Variants in SMARCC1 observed in about 807,000 individuals in gnomAD.
SMARCC1 encodes SWI/SNF complex subunit SMARCC1.
In SMARCC1, 43 loss-of-function variants were observed where a neutral mutation model predicts 147.4. That is an observed-to-expected ratio of 0.29 (90% CI 0.23 to 0.38). The LOEUF is 0.38. Among genes scored for constraint, SMARCC1 ranks in the 10% least tolerant of loss-of-function variants. The probability of loss-of-function intolerance (pLI) is 1.00; values close to 1 mark genes in which losing one functional copy is unlikely to be tolerated. For synonymous variants in SMARCC1, 495 were observed against 484.4 expected (o/e 1.02, Z -0.29); for missense variants, 1,119 against 1,381.1 (o/e 0.81, Z 3.01).
Position 47,704,676 on chromosome 3 carries a change from G to T in SMARCC1, c.1040+1733C>A, listed in dbSNP as rs114841380. 4.0e-3 allele frequency among the ~76,000 whole-genome samples: 605 copies of T among 152,222 alleles called. 5 individuals carry two copies. Among genetic ancestry groups the T allele is most frequent in the African/African-American group, 0.013 (547 of 41,534 alleles). On this transcript the variant is annotated intron_variant, in intron 10 of 27. Coordinates refer to ENST00000254480, the MANE Select transcript of SMARCC1 (RefSeq NM_003074.4). ...TCACGCAAATAATCCCAACACGTTG[G>T]GAGGCCGAGGTGGAAGAATTGCTTG...
chr3:47,655,269 G>A (rs1048298212), intron 21 of SMARCC1, among the ~76,000 whole-genome samples: 7 of 152,176 alleles, frequency 4.6e-5, no homozygotes, highest in Admixed American at 3.3e-4. Context: ...ATGGTGTCAT[G>A]TGCCTGTAGT....
intron 5 of SMARCC1, among the ~76,000 whole-genome samples, chr3:47,733,677 G>A (rs1330357349): frequency 6.6e-6 from 1 of 151,710 alleles, no homozygotes; most frequent in East Asian, 1.9e-4. Flanking sequence ...ACAAGGTCAA[G>A]AGATCGAAAC....
chr3:47,622,121 C>T, intron 25 of SMARCC1, 86 bp downstream of exon 25: 1 of 1,199,150 alleles, frequency 8.3e-7, no homozygotes, highest in South Asian at 1.3e-5. Context: ...AGAGAACAGG[C>T]TACCATTTAT....
intron 2 of SMARCC1, among the ~76,000 whole-genome samples, chr3:47,754,128 C>G (rs2034660877): frequency 6.6e-6 from 1 of 152,024 alleles, no homozygotes; most frequent in Admixed American, 6.6e-5. Flanking sequence ...GCATTGACAC[C>G]AATCACTGAG....
At chr3:47,759,600 C>T (rs1291455604) in intron 2 of SMARCC1, among the ~76,000 whole-genome samples, 1 of 96,746 alleles carries the variant, frequency 1.0e-5, no homozygotes, top group Non-Finnish European at 1.9e-5. Flanking sequence ...CAGTCTGGGA[C>T]AGAGCTAGAC....
chr3:47,772,926 G>A lies in SMARCC1; in HGVS notation c.206C>T (p.Ala69Val), dbSNP rs199955278. ...CAGTGTTTTATTGGTAGGAGCATCC[G>A]CATGAACATACTGCAAGATAAAGAC... ...LGKHYKKYVH[A>V]DAPTNKTLAG... The change falls in exon 2 of 28, where the codon GCG (alanine) becomes GTG (valine). Residue 69 changes from alanine to valine, a missense_variant. Around this residue, in one of 6 missense-constraint regions of SMARCC1, gnomAD observed 542 missense variants for 611.8 expected, o/e 0.89. Coordinates refer to ENST00000254480, the MANE Select transcript of SMARCC1 (RefSeq NM_003074.4). The A allele has an allele frequency of 1.2e-5, 20 of 1,611,342 alleles. No individual in the cohort carries two copies. The East Asian group carries it at 3.3e-4, about 27-fold the overall frequency.
intron 1 of SMARCC1, among the ~76,000 whole-genome samples, chr3:47,779,084 T>C (rs1377996698): frequency 2.0e-5 from 3 of 151,930 alleles, no homozygotes; most frequent in East Asian, 3.9e-4. Flanking sequence ...ATGAGGACTT[T>C]AAGTGAGTTA....
At chr3:47,688,904 G>A (rs1576412103) in intron 13 of SMARCC1, among the ~76,000 whole-genome samples, 1 of 152,130 alleles carries the variant, frequency 6.6e-6, no homozygotes, top group East Asian at 1.9e-4. Context: ...GTAAAATCTT[G>A]GGGTCCAAGA....
At chr3:47,679,679 T>C (rs2033617260) in intron 15 of SMARCC1, among the ~76,000 whole-genome samples, 1 of 151,942 alleles carries the variant, frequency 6.6e-6, no homozygotes, top group South Asian at 2.1e-4. Flanking sequence ...CTGGCCAACA[T>C]GGTGAAACCC....
chr3:47,670,030 C>T (rs547447174), intron 19 of SMARCC1, among the ~76,000 whole-genome samples: 1 of 152,324 alleles, frequency 6.6e-6, no homozygotes, highest in East Asian at 1.9e-4. Context: ...GGCAATGACA[C>T]CAATTGTCTT....
intron 21 of SMARCC1, among the ~76,000 whole-genome samples, chr3:47,643,262 G>A (rs560917172): frequency 2.0e-4 from 30 of 152,256 alleles, no homozygotes; most frequent in East Asian, 3.9e-4. Flanking sequence ...TTGGCGTGTC[G>A]GCTGGTCGAC....
intron 14 of SMARCC1, among the ~76,000 whole-genome samples, chr3:47,683,880 T>C (rs574614651): frequency 6.6e-6 from 1 of 152,114 alleles, no homozygotes; most frequent in East Asian, 1.9e-4. Context: ...AACAAAACAG[T>C]CGAGGCACAG....
intron 2 of SMARCC1, among the ~76,000 whole-genome samples, chr3:47,769,252 C>A (rs1264725833): frequency 6.7e-6 from 1 of 149,748 alleles, no homozygotes; most frequent in Non-Finnish European, 1.5e-5. Context: ...CACAGTGGCT[C>A]ACGCCTGTAA....
intron 11 of SMARCC1, among the ~76,000 whole-genome samples, chr3:47,695,486 T>C (rs538136305): frequency 6.6e-6 from 1 of 152,138 alleles, no homozygotes; most frequent in African/African-American, 2.4e-5. Context: ...TACTTTGTCA[T>C]CCGGGCGCGG....
intron 14 of SMARCC1, among the ~76,000 whole-genome samples, chr3:47,683,996 T>C (rs1375656093): frequency 6.6e-6 from 1 of 152,118 alleles, no homozygotes; most frequent in Non-Finnish European, 1.5e-5. Flanking sequence ...CTCACGCCTG[T>C]AATCCCAGCA....
intron 24 of SMARCC1, among the ~76,000 whole-genome samples, chr3:47,624,178 C>T (rs376045743): frequency 3.9e-5 from 6 of 152,060 alleles, no homozygotes; most frequent in African/African-American, 1.2e-4. Flanking sequence ...GTAATCCCAG[C>T]TACTCGGGAG....
At chr3:47,760,673 C>T (rs1381313987) in intron 2 of SMARCC1, among the ~76,000 whole-genome samples, 1 of 151,948 alleles carries the variant, frequency 6.6e-6, no homozygotes, top group African/African-American at 2.4e-5. Flanking sequence ...CAAAAAACAA[C>T]AACAAAAATG....
chr3:47,774,230 CATTT>C (rs1002245701), intron 1 of SMARCC1, among the ~76,000 whole-genome samples: 3 of 128,986 alleles, frequency 2.3e-5, no homozygotes, highest in African/African-American at 9.3e-5. Context: ...AAAAGGCAAT[CATTT>C]ACTTTTTTTT....
Position 47,781,792 on chromosome 3 carries a change from G to T in SMARCC1, c.6C>A (p.Ala2=), listed in dbSNP as rs756357482. ...CCGGCCCGCCGCCGCCCGCCGCTGC[G>T]GCCATCGTCGCAGCCCGTCGTCCCC... is the stretch of plus-strand genomic sequence containing the variant. M[A]AAAGGGGPGT... Residue 2 remains alanine (A), a synonymous_variant, in exon 1 of 28, where the codon GCC becomes GCA. Transcript: ENST00000254480. 2.8e-6 allele frequency: 4 copies of T among 1,451,628 alleles called. No homozygotes were observed. In the African/African-American group the frequency reaches 4.5e-5, roughly 16 times the overall value. The allele number at this position is 1,451,628 out of a possible 1,614,324, so 89.9% of individuals were successfully genotyped here.
Sources: allele counts gnomAD v4.1 joint callset (sites outside exome capture counted in the v4.1 genomes callset), GRCh38; gene constraint gnomAD v4.1.1; regional missense constraint gnomAD v4.1.1; transcripts MANE v1.5; gene names NCBI Gene and HGNC (gene_info 2026-07-23, HGNC 2026-07-21).